Variants in FOXN3 observed in about 807,000 individuals in gnomAD.
FOXN3 encodes the protein forkhead box protein N3.
Under a neutral mutation model 38.4 loss-of-function variants are expected in FOXN3, and 7 were observed. That is an observed-to-expected ratio of 0.18 (90% CI 0.10 to 0.34). The LOEUF (loss-of-function observed/expected upper bound fraction) is 0.34, where lower values mean the gene tolerates loss of function less well. Ranked by LOEUF, FOXN3 falls within the 10% of genes least tolerant of loss-of-function variation. FOXN3 has a pLI of 1.00. For missense variants in FOXN3, 456 were observed against 613.4 expected (o/e 0.74, Z 2.71); for synonymous variants, 230 against 242.2 (o/e 0.95, Z 0.47).
In FOXN3 at chr14:89,255,870, T is replaced by C. The variant is rs575431260; in HGVS notation, c.745+25080A>G. Among the ~76,000 whole-genome samples, 3 of 152,322 alleles carry C rather than the reference T, an allele frequency of 2.0e-5. No individual in the cohort carries two copies. The East Asian group carries it at 5.8e-4, about 29-fold the overall frequency. On this transcript the variant is annotated intron_variant, in intron 4 of 5. Transcript: ENST00000557258. ...GGAGTAAGAAGCAGGAGTGCCACTCTGCACAGAGACCCTGCCATTACCCTT... is the reference window on the plus strand; with the variant it reads ...GGAGTAAGAAGCAGGAGTGCCACTCCGCACAGAGACCCTGCCATTACCCTT...
intron 4 of FOXN3, among the ~76,000 whole-genome samples, chr14:89,243,480 T>C (rs975655024): frequency 6.6e-6 from 1 of 152,220 alleles, no homozygotes; most frequent in African/African-American, 2.4e-5. Flanking sequence ...GATAGCAACA[T>C]TTTTTAACCT....
chr14:89,162,844 G>A lies in FOXN3; in HGVS notation c.977C>T (p.Thr326Ile). 1 of 1,611,828 alleles carries A rather than the reference G, an allele frequency of 6.2e-7. No individual in the cohort carries two copies. The highest frequency in any genetic ancestry group is 1.6e-4 in the Middle Eastern group (1 of 6,062). The change falls in exon 6 of 6, where the codon ACC becomes ATC. Residue 326 changes from threonine (T) to isoleucine (I), a missense_variant. This residue lies in a region of FOXN3 where 386 missense variants were observed against 505.2 expected (regional missense o/e 0.76). Transcript: ENST00000557258. The surrounding 1 kb of genome is among the most constrained non-coding windows in gnomAD (Gnocchi z 7.2). Reference sequence around the variant, plus strand: ...GGAGATGGAGTCGCTGGTGGGCGAGGTGCTCCGGGCGTTGGAGGACTTGGC... The same window carrying A: ...GGAGATGGAGTCGCTGGTGGGCGAGATGCTCCGGGCGTTGGAGGACTTGGC... ...SSAKSSNARS[T>I]SPTSDSISSS...
At chr14:89,253,858 G>A (rs1885536951) in intron 4 of FOXN3, among the ~76,000 whole-genome samples, 1 of 152,174 alleles carries the variant, frequency 6.6e-6, no homozygotes, top group East Asian at 1.9e-4. Context: ...CTGTATGCCT[G>A]AGCAGATCAC....
At chr14:89,228,566 T>TA (rs1884709858) in intron 4 of FOXN3, among the ~76,000 whole-genome samples, 1 of 152,310 alleles carries the variant, frequency 6.6e-6, no homozygotes, top group East Asian at 1.9e-4. Context: ...TGTAGAGTGA[T>TA]AAAAAAGCAT....
chr14:89,445,701 T>TG (rs1566658811), intron 1 of FOXN3, among the ~76,000 whole-genome samples: 1 of 151,780 alleles, frequency 6.6e-6, no homozygotes, highest in African/African-American at 2.4e-5. Flanking sequence ...TCTCAAAACC[T>TG]GGGCTGGAGG....
chr14:89,305,938 C>G (rs1018647143), intron 3 of FOXN3, among the ~76,000 whole-genome samples: 2 of 152,212 alleles, frequency 1.3e-5, no homozygotes, highest in Non-Finnish European at 2.9e-5. Context: ...CTTTTGCCTA[C>G]TTCTCTAAGA....
intron 1 of FOXN3, among the ~76,000 whole-genome samples, chr14:89,517,528 G>A (rs1162010231): frequency 2.0e-5 from 3 of 152,026 alleles, no homozygotes; most frequent in Non-Finnish European, 4.4e-5. Context: ...GAGGGAAGGT[G>A]CTCACACTTT....
chr14:89,570,252 G>A lies in FOXN3; in HGVS notation c.-15+48776C>T, dbSNP rs1030610098. Among the ~76,000 whole-genome samples, 9 of 152,258 alleles carry A rather than the reference G, an allele frequency of 5.9e-5. No homozygotes were observed. The South Asian group carries it at 1.2e-3, about 21-fold the overall frequency. ...CTGACCTCGTGATCCGCCTGCCTCAGCCTCCCAAAGCGCTGGGATTACAGG... is the reference window on the plus strand; with the variant it reads ...CTGACCTCGTGATCCGCCTGCCTCAACCTCCCAAAGCGCTGGGATTACAGG... On this transcript the variant is annotated intron_variant, in intron 1 of 6. Coordinates refer to the FOXN3 transcript ENST00000345097.
In FOXN3 at chr14:89,160,938, A is replaced by G. The variant is rs190325774; in HGVS notation, c.*1476T>C. Reference sequence around the variant, plus strand: ...AAAACAAAAAGGAAAAAAAGAAAGCAAAGAAAAGGAAAGAAAAAAGAAGAA... The same window carrying G: ...AAAACAAAAAGGAAAAAAAGAAAGCGAAGAAAAGGAAAGAAAAAAGAAGAA... On this transcript the variant is annotated 3_prime_UTR_variant, in exon 6 of 6. Coordinates refer to ENST00000557258, the MANE Select transcript of FOXN3 (RefSeq NM_005197.4). 1 of 152,268 alleles carries G rather than the reference A, an allele frequency of 6.6e-6. No individual in the cohort carries two copies. Among genetic ancestry groups the G allele is most frequent in the African/African-American group, 2.4e-5 (1 of 41,458 alleles). 9.4% of individuals were successfully genotyped at this position (152,268 alleles called of 1,614,324 possible). A position where few individuals can be genotyped will look rare whatever the true frequency, so the allele number is the denominator to read the frequency against.
intron 1 of FOXN3, among the ~76,000 whole-genome samples, chr14:89,508,025 G>A (rs891417898): frequency 2.0e-5 from 3 of 152,156 alleles, no homozygotes; most frequent in South Asian, 2.1e-4. Flanking sequence ...CTCCAGGCTC[G>A]GGACCCAGGC....
At chr14:89,455,240 G>A (rs1293526461) in intron 1 of FOXN3, among the ~76,000 whole-genome samples, 1 of 152,184 alleles carries the variant, frequency 6.6e-6, no homozygotes, top group East Asian at 1.9e-4. Context: ...AAATCCTGGA[G>A]GACAGACAAG....
chr14:89,336,891 TAACTTC>T (rs1273571832), intron 3 of FOXN3, among the ~76,000 whole-genome samples: 4 of 152,334 alleles, frequency 2.6e-5, no homozygotes, highest in Admixed American at 2.6e-4. Context: ...CCTATAACTT[TAACTTC>T]AACAACTCTG....
At position 89,319,919 on chromosome 14, in the gene FOXN3, G is replaced by A. The variant is rs1438047815; in HGVS notation, c.680+30753C>T. On this transcript the variant is annotated intron_variant, in intron 3 of 5. Transcript: ENST00000557258. ...ACCAACCAGGGCTAATAGGTCTCGA[G>A]GTTGCTGGTACTTCCCTTGCCATCC... 2.0e-5 allele frequency among the ~76,000 whole-genome samples: 3 copies of A among 152,280 alleles called. No homozygotes were observed. The East Asian group carries it at 5.8e-4, about 29-fold the overall frequency.
chr14:89,348,633 C>T (rs1888845560), intron 3 of FOXN3, among the ~76,000 whole-genome samples: 1 of 152,122 alleles, frequency 6.6e-6, no homozygotes, highest in Non-Finnish European at 1.5e-5. Context: ...AATCTAAGCA[C>T]CGCATGGGCA....
At chr14:89,203,227 A>T (rs1042883599) in intron 4 of FOXN3, among the ~76,000 whole-genome samples, 1 of 152,162 alleles carries the variant, frequency 6.6e-6, no homozygotes. Context: ...CAATAGGTAG[A>T]GATGTTGAGG....
intron 2 of FOXN3, among the ~76,000 whole-genome samples, chr14:89,381,476 G>A (rs1890643909): frequency 6.9e-6 from 1 of 145,802 alleles, no homozygotes; most frequent in Non-Finnish European, 1.5e-5. Flanking sequence ...CATGTAAAGT[G>A]TGCTGCCAAG....
chr14:89,415,604 CAAAAA>C (rs34026101), intron 1 of FOXN3, among the ~76,000 whole-genome samples: 4 of 54,280 alleles, frequency 7.4e-5, no homozygotes, highest in South Asian at 1.6e-3. Context: ...CAACAATAAC[CAAAAA>C]AAAAAAAAAA....
At chr14:89,507,851 C>T (rs1340294708) in intron 1 of FOXN3, among the ~76,000 whole-genome samples, 1 of 151,840 alleles carries the variant, frequency 6.6e-6, no homozygotes, top group African/African-American at 2.4e-5. Flanking sequence ...CATTTAAGGA[C>T]AGCTCTCAAA....
At chr14:89,356,736 C>T (rs959583199) in intron 2 of FOXN3, among the ~76,000 whole-genome samples, 3 of 152,108 alleles carry the variant, frequency 2.0e-5, no homozygotes, top group African/African-American at 7.2e-5. Context: ...TACTACATGC[C>T]AGGCACCATG....
Sources: gnomAD v4.1 joint callset for allele counts (sites outside exome capture counted in the v4.1 genomes callset) on GRCh38, gnomAD v4.1.1 for gene constraint, gnomAD v4.1.1 regional missense constraint, Gnocchi (gnomAD v3.1) non-coding constraint, MANE v1.5 for transcripts, NCBI Gene and HGNC (gene_info 2026-07-23, HGNC 2026-07-21) for gene names.